The following SLC24A2 variants were observed in gnomAD, a reference collection of about 807,000 sequenced individuals.
SLC24A2 encodes the protein solute carrier family 24 member 2.
Under a neutral mutation model 62.0 loss-of-function variants are expected in SLC24A2, and 36 were observed. The ratio of observed to expected loss-of-function variants is 0.58; its 90% CI spans 0.44 to 0.77. The LOEUF (loss-of-function observed/expected upper bound fraction) is 0.77, where lower values mean the gene tolerates loss of function less well. Ranked by LOEUF, SLC24A2 falls within the 30% of genes least tolerant of loss-of-function variation. The probability of loss-of-function intolerance (pLI) is 0.00; values close to 1 mark genes in which losing one functional copy is unlikely to be tolerated. For synonymous variants in SLC24A2, 358 were observed against 294.0 expected (o/e 1.22, Z -2.23); for missense variants, 846 against 817.9 (o/e 1.03, Z -0.42).
chr9:19,689,388 C>A (rs956183910), intron 2 of SLC24A2, among the ~76,000 whole-genome samples: 1 of 152,118 alleles, frequency 6.6e-6, no homozygotes, highest in Non-Finnish European at 1.5e-5. Flanking sequence ...GATACAGCTC[C>A]TATGATTTGA....
the SLC24A2 span, among the ~76,000 whole-genome samples, chr9:19,906,116 T>C: frequency 2.0e-5 from 3 of 152,206 alleles, no homozygotes; most frequent in Non-Finnish European, 4.4e-5. Flanking sequence ...ACTGAAATTA[T>C]AACAAACTGC....
At chr9:19,616,671 T>C (rs1817775120) in intron 4 of SLC24A2, among the ~76,000 whole-genome samples, 1 of 152,198 alleles carries the variant, frequency 6.6e-6, no homozygotes, top group East Asian at 1.9e-4. Flanking sequence ...CTAGGCTTTG[T>C]GGGTAACTAG....
the SLC24A2 span, among the ~76,000 whole-genome samples, chr9:19,820,349 G>A: frequency 6.7e-6 from 1 of 150,282 alleles, no homozygotes; most frequent in Admixed American, 6.7e-5. Flanking sequence ...CTGCTCAGGT[G>A]ATGGGTGCAC....
At chr9:19,934,251 G>T in the SLC24A2 span, among the ~76,000 whole-genome samples, 13 of 152,156 alleles carry the variant, frequency 8.5e-5, no homozygotes, top group Non-Finnish European at 1.8e-4. The surrounding 1 kb of genome is among the most constrained non-coding windows in gnomAD (Gnocchi z 4.1). Context: ...TTTCCAAGAC[G>T]GGGTGGCCGG....
At chr9:20,019,301 A>AAGAAAG in the SLC24A2 span, among the ~76,000 whole-genome samples, 1 of 148,138 alleles carries the variant, frequency 6.8e-6, no homozygotes. Context: ...GAAAGAAAGA[A>AAGAAAG]AGAAAGAAAG....
chr9:19,863,283 C>T, the SLC24A2 span, among the ~76,000 whole-genome samples: 1 of 151,998 alleles, frequency 6.6e-6, no homozygotes, highest in East Asian at 1.9e-4. Flanking sequence ...GACCCCAATA[C>T]GATAATAGCT....
At chr9:20,105,972 G>C in the SLC24A2 span, among the ~76,000 whole-genome samples, 1 of 152,142 alleles carries the variant, frequency 6.6e-6, no homozygotes, top group Non-Finnish European at 1.5e-5. Context: ...AAGAAGAAAA[G>C]AGAGAAGAAT....
intron 9 of SLC24A2, among the ~76,000 whole-genome samples, chr9:19,521,263 T>A (rs1291349289): frequency 2.0e-5 from 3 of 152,222 alleles, no homozygotes; most frequent in Non-Finnish European, 4.4e-5. Flanking sequence ...ATCAGGAATG[T>A]TCACATGAAA....
the SLC24A2 span, among the ~76,000 whole-genome samples, chr9:20,291,017 A>G: frequency 6.6e-6 from 1 of 152,220 alleles, no homozygotes; most frequent in Admixed American, 6.5e-5. Context: ...GCTGGATTTC[A>G]GCCCCACTCA....
At chr9:20,176,665 T>C in the SLC24A2 span, among the ~76,000 whole-genome samples, 4 of 152,082 alleles carry the variant, frequency 2.6e-5, no homozygotes, top group Non-Finnish European at 5.9e-5. Context: ...GCCAGGGGTA[T>C]AAATGAGGAA....
At chr9:20,265,058 C>G in the SLC24A2 span, among the ~76,000 whole-genome samples, 1 of 152,228 alleles carries the variant, frequency 6.6e-6, no homozygotes, top group African/African-American at 2.4e-5. Flanking sequence ...TCCAGGCCAG[C>G]TGGAGAAGCA....
chr9:19,734,184 T>A (rs180953679), intron 2 of SLC24A2, among the ~76,000 whole-genome samples: 1 of 152,110 alleles, frequency 6.6e-6, no homozygotes, highest in African/African-American at 2.4e-5. Context: ...TTGTCAAAGA[T>A]CAGATAGTTG....
the SLC24A2 span, among the ~76,000 whole-genome samples, chr9:19,803,271 C>G: frequency 6.6e-6 from 1 of 152,146 alleles, no homozygotes; most frequent in African/African-American, 2.4e-5. Flanking sequence ...TTATTATTGA[C>G]AAAGCTTCAT....
At chr9:20,100,194 GTTTT>G in the SLC24A2 span, among the ~76,000 whole-genome samples, 1 of 151,556 alleles carries the variant, frequency 6.6e-6, no homozygotes, top group African/African-American at 2.4e-5. Context: ...GTGTGTGTGT[GTTTT>G]TGTTTGTTTT....
At chr9:19,911,878 G>C in the SLC24A2 span, among the ~76,000 whole-genome samples, 1 of 152,184 alleles carries the variant, frequency 6.6e-6, no homozygotes, top group Non-Finnish European at 1.5e-5. Context: ...AGACATTTAA[G>C]GGTGAACTTG....
intron 2 of SLC24A2, among the ~76,000 whole-genome samples, chr9:19,633,499 C>A (rs1375441205): frequency 6.6e-6 from 1 of 152,134 alleles, no homozygotes; most frequent in East Asian, 1.9e-4. Flanking sequence ...TCTAAAGGTG[C>A]CGTGATATCT....
At chr9:19,733,456 T>C (rs1459875135) in intron 2 of SLC24A2, among the ~76,000 whole-genome samples, 3 of 152,184 alleles carry the variant, frequency 2.0e-5, no homozygotes, top group Admixed American at 6.6e-5. Flanking sequence ...ACAGGTCTGA[T>C]TTCCAATGAC....
At chr9:19,677,147 C>A (rs147431608) in intron 2 of SLC24A2, among the ~76,000 whole-genome samples, 3,256 of 152,338 alleles carry the variant, frequency 0.021, 67 homozygotes, top group East Asian at 0.094. Flanking sequence ...CACTGCAGCA[C>A]TATTCACAAT....
the SLC24A2 span, among the ~76,000 whole-genome samples, chr9:20,151,105 C>G: frequency 1.3e-5 from 2 of 151,930 alleles, no homozygotes; most frequent in Non-Finnish European, 2.9e-5. Flanking sequence ...TCCCCACTTT[C>G]TAACATTTTT....
Sources: allele counts gnomAD v4.1 joint callset (sites outside exome capture counted in the v4.1 genomes callset), GRCh38; gene constraint gnomAD v4.1.1; non-coding constraint Gnocchi (gnomAD v3.1); transcripts MANE v1.5; gene names NCBI Gene and HGNC (gene_info 2026-07-23, HGNC 2026-07-21).